Variants in RIC3 observed in about 807,000 individuals in gnomAD.
The protein encoded by RIC3 is protein RIC-3.
In RIC3, 28 loss-of-function variants were observed where a neutral mutation model predicts 27.3. The observed-to-expected ratio is 1.02, with a 90% confidence interval of 0.76 to 1.41. The LOEUF (loss-of-function observed/expected upper bound fraction) is 1.41. Ranked by LOEUF, RIC3 falls within the 40% of genes most tolerant of loss-of-function variation. The probability of loss-of-function intolerance (pLI) is 0.00; values close to 1 mark genes in which losing one functional copy is unlikely to be tolerated. For synonymous variants in RIC3, 184 were observed against 160.4 expected (o/e 1.15, Z -1.11); for missense variants, 501 against 444.7 (o/e 1.13, Z -1.14).
At chr11:8,147,933 G>A (rs1035635252) in intron 1 of RIC3, among the ~76,000 whole-genome samples, 6 of 152,024 alleles carry the variant, frequency 3.9e-5, no homozygotes, top group African/African-American at 7.3e-5. Context: ...TCACCATGTT[G>A]GCCAGGATGG....
chr11:8,157,403 C>T (rs1412572048), intron 1 of RIC3, among the ~76,000 whole-genome samples: 2 of 152,200 alleles, frequency 1.3e-5, no homozygotes, highest in African/African-American at 4.8e-5. Flanking sequence ...TCCTCCAGAT[C>T]ACCTAACACA....
intron 5 of RIC3, among the ~76,000 whole-genome samples, chr11:8,116,654 G>A (rs887775868): frequency 2.6e-5 from 4 of 152,216 alleles, no homozygotes; most frequent in Admixed American, 6.5e-5. Flanking sequence ...ACAGGCATAT[G>A]AGAAAGTGCT....
At chr11:8,146,389 G>A (rs1043392962) in intron 1 of RIC3, among the ~76,000 whole-genome samples, 5 of 152,192 alleles carry the variant, frequency 3.3e-5, no homozygotes, top group Admixed American at 2.6e-4. Flanking sequence ...ATCAGAGTAG[G>A]TGCATATGAA....
downstream of RIC3, chr11:8,105,603 A>ATTTTCCTAACCACAAGATAAAGATGT (rs1944536683): frequency 1.3e-5 from 2 of 152,118 alleles, no homozygotes; most frequent in Non-Finnish European, 2.9e-5. Flanking sequence ...CTCTAGGTCC[A>ATTTTCCTAACCACAAGATAAAGATGT]TTTTCCTAAC....
At chr11:8,134,292 A>G (rs1948099665) in intron 4 of RIC3, among the ~76,000 whole-genome samples, 1 of 152,154 alleles carries the variant, frequency 6.6e-6, no homozygotes, top group Non-Finnish European at 1.5e-5. Context: ...GATGGTTTCC[A>G]GTTTCATCCA....
the RIC3 span, chr11:8,097,627 A>G: frequency 7.4e-7 from 1 of 1,349,774 alleles, no homozygotes; most frequent in Non-Finnish European, 1.0e-6. Flanking sequence ...GAGCTGACGC[A>G]ACGGAGAGAG....
chr11:8,162,703 T>C (rs977456644), intron 1 of RIC3, among the ~76,000 whole-genome samples: 1 of 143,186 alleles, frequency 7.0e-6, no homozygotes, highest in Non-Finnish European at 1.5e-5. Flanking sequence ...TGGAATGCAG[T>C]GGTGGGATCT....
chr11:8,120,188 G>A (rs1023802358), intron 5 of RIC3, among the ~76,000 whole-genome samples: 1 of 152,182 alleles, frequency 6.6e-6, no homozygotes, highest in African/African-American at 2.4e-5. Flanking sequence ...TCCCATTACT[G>A]GGTATATACC....
At chr11:8,121,714 T>C (rs1485867661) in intron 5 of RIC3, among the ~76,000 whole-genome samples, 1 of 151,420 alleles carries the variant, frequency 6.6e-6, no homozygotes, top group South Asian at 2.1e-4. Context: ...AGCAAGCCTC[T>C]GTCTCAAAAA....
intron 2 of RIC3, chr11:8,139,733 C>G: frequency 2.9e-6 from 1 of 344,818 alleles, no homozygotes; most frequent in Non-Finnish European, 5.1e-6. Flanking sequence ...AGTCCTAGTT[C>G]TGCCTTGTTA....
At chr11:8,098,276 G>A in the RIC3 span, among the ~76,000 whole-genome samples, 9 of 152,270 alleles carry the variant, frequency 5.9e-5, no homozygotes, top group South Asian at 2.1e-4. Flanking sequence ...TGGGGAGGTA[G>A]GGTTTGCTGA....
At chr11:8,101,793 G>GA, downstream of RIC3, 1 of 1,175,064 alleles carries the variant, frequency 8.5e-7, no homozygotes, top group South Asian at 1.6e-5. Context: ...CTCTGCTACT[G>GA]AGGCAGGGGA....
chr11:8,132,705 T>C (rs1412341125), intron 4 of RIC3, among the ~76,000 whole-genome samples: 1 of 152,220 alleles, frequency 6.6e-6, no homozygotes, highest in African/African-American at 2.4e-5. Context: ...AGTTTTCTAA[T>C]TTTAAGCCAA....
chr11:8,109,741 T>A lies in RIC3; in HGVS notation c.*957A>T, dbSNP rs1220825543. On this transcript the variant is annotated 3_prime_UTR_variant, in exon 6 of 6. Coordinates refer to ENST00000309737, the MANE Select transcript of RIC3 (RefSeq NM_001206671.4). Reference sequence around the variant, plus strand: ...AAGGACTGTCCATAAGCACACAGATTCTCTCCCCTATTGCTGGCTTCCTGG... The same window carrying A: ...AAGGACTGTCCATAAGCACACAGATACTCTCCCCTATTGCTGGCTTCCTGG... 1 of 152,152 alleles carries A rather than the reference T, an allele frequency of 6.6e-6. No homozygotes were observed. Among genetic ancestry groups the A allele is most frequent in the African/African-American group, 2.4e-5 (1 of 41,434 alleles). The allele number at this position is 152,152 out of a possible 1,614,324, so 9.4% of individuals were successfully genotyped here.
At chr11:8,094,015 C>T in the RIC3 span, 1 of 1,614,046 alleles carries the variant, frequency 6.2e-7, no homozygotes, top group Non-Finnish European at 8.5e-7. Context: ...GCCTGTTTCT[C>T]TCTCTCCATC....
At chr11:8,138,713 T>G (rs560028286) in intron 2 of RIC3, 1 of 231,156 alleles carries the variant, frequency 4.3e-6, no homozygotes, top group South Asian at 8.0e-5. Flanking sequence ...TCCCACAGTT[T>G]AGCCTAAATA....
chr11:8,100,505 G>A, the RIC3 span: 1 of 1,614,002 alleles, frequency 6.2e-7, no homozygotes, highest in Non-Finnish European at 8.5e-7. Context: ...TTTCCCAGGA[G>A]ACAAACGTCT....
chr11:8,138,773 T>C, intron 2 of RIC3: 2 of 238,330 alleles, frequency 8.4e-6, no homozygotes, highest in South Asian at 5.8e-5. Context: ...GGTCATAGCC[T>C]GTTCCTCTTC....
At chr11:8,131,432 G>A (rs1243940473) in intron 4 of RIC3, among the ~76,000 whole-genome samples, 1 of 152,142 alleles carries the variant, frequency 6.6e-6, no homozygotes, top group East Asian at 1.9e-4. Context: ...GGGGATAGAT[G>A]ACAAATGCCA....
Sources: gnomAD v4.1 joint callset for allele counts (sites outside exome capture counted in the v4.1 genomes callset) on GRCh38, gnomAD v4.1.1 for gene constraint, MANE v1.5 for transcripts, NCBI Gene and HGNC (gene_info 2026-07-23, HGNC 2026-07-21) for gene names.